Variants in ALPK3 observed in about 807,000 individuals in gnomAD.
ALPK3 encodes alpha-protein kinase 3.
ALPK3 carries 102 observed loss-of-function variants against 140.0 expected under a neutral mutation model. The ratio of observed to expected loss-of-function variants is 0.73; its 90% CI spans 0.62 to 0.86. ALPK3 has a LOEUF of 0.86. Among genes scored for constraint, ALPK3 ranks in the 40% least tolerant of loss-of-function variants. The probability of loss-of-function intolerance (pLI) is 0.00; values close to 1 mark genes in which losing one functional copy is unlikely to be tolerated. For synonymous variants in ALPK3, 938 were observed against 898.5 expected (o/e 1.04, Z -0.79); for missense variants, 2,254 against 2,208.2 (o/e 1.02, Z -0.42).
At position 84,839,994 on chromosome 15, in the gene ALPK3, AC is replaced by A. The variant is rs758861870; in HGVS notation, c.717del (p.Arg240GlyfsTer26). ...TCAAGCGCCGGGCCCCTCGGTCCCT[AC>A]CAGGGAGCCTGAGGGTGGGACCCTG... Reference protein sequence around the residue: ...GAQAPGPSVPTREPEGGTLAA... With the variant: ...GAQAPGPSVPXREPEGGTLAA... On this transcript the variant is annotated frameshift_variant, in exon 5 of 14. Coordinates refer to ENST00000258888, the MANE Select transcript of ALPK3 (RefSeq NM_020778.5). LOFTEE classifies it high-confidence loss of function. 1.9e-6 allele frequency: 3 copies of A among 1,613,486 alleles called. No individual in the cohort carries two copies. Among genetic ancestry groups the A allele is most frequent in the Non-Finnish European group, 2.5e-6 (3 of 1,179,734 alleles).
intron 12 of ALPK3, among the ~76,000 whole-genome samples, chr15:84,866,413 T>A (rs1964004012): frequency 6.6e-6 from 1 of 152,146 alleles, no homozygotes; most frequent in Non-Finnish European, 1.5e-5. Flanking sequence ...AGCTCAGAAG[T>A]GGTAGAGCTG....
chr15:84,840,957 G>T (rs771632156), intron 5 of ALPK3, 25 bp downstream of exon 5: 29 of 1,534,372 alleles, frequency 1.9e-5, no homozygotes, highest in Non-Finnish European at 2.4e-5. Flanking sequence ...TGGGTGCCTG[G>T]AGGCCGCTCT....
chr15:84,836,819 G>A (rs1331914876), intron 3 of ALPK3, among the ~76,000 whole-genome samples: 1 of 152,172 alleles, frequency 6.6e-6, no homozygotes. Context: ...GACCTCCTGG[G>A]TTGTGAGTAT....
intron 2 of ALPK3, among the ~76,000 whole-genome samples, chr15:84,823,804 G>A (rs1294565803): frequency 2.0e-5 from 3 of 152,164 alleles, no homozygotes; most frequent in Non-Finnish European, 4.4e-5. Flanking sequence ...TTGAACTCCT[G>A]GCCTCAAGGG....
In ALPK3 at chr15:84,859,531, A is replaced by G. The variant is rs372754334; in HGVS notation, c.3965+141A>G. The stretch of plus-strand genomic sequence containing the variant: ...AGGTCCTTTTATTCCCATAGTAGAG[A>G]TGAGAAAATGGAGGCTCAGCATTCT... On this transcript the variant is annotated intron_variant, in intron 7 of 13. Coordinates refer to ENST00000258888, the MANE Select transcript of ALPK3 (RefSeq NM_020778.5). The G allele has an allele frequency of 4.6e-5, 61 of 1,323,912 alleles. No homozygotes were observed. In the South Asian group the frequency reaches 9.3e-4, roughly 20 times the overall value. The allele number at this position is 1,323,912 out of a possible 1,614,324, so 82.0% of individuals were successfully genotyped here.
In ALPK3 at chr15:84,837,725, G is replaced by A. The variant is rs1963611156; in HGVS notation, c.305-1255G>A. ...ACAAGAGGAGGGCAGCTGTGCCCAGGCAAGGAATGGAACTAGTACTTGGAA... is the reference window on the plus strand; with the variant it reads ...ACAAGAGGAGGGCAGCTGTGCCCAGACAAGGAATGGAACTAGTACTTGGAA... On this transcript the variant is annotated intron_variant, in intron 3 of 13. Transcript: ENST00000258888. Among the ~76,000 whole-genome samples, 4 of 152,202 alleles carry A rather than the reference G, an allele frequency of 2.6e-5. No individual in the cohort carries two copies. The South Asian group carries it at 8.3e-4, about 31-fold the overall frequency.
rs116368682 is a variant in ALPK3, at chr15:84,861,595, C to G, written c.4130-1040C>G. ...GGCAGTCACTGATTATTGCCTAAAT[C>G]TATTATTTCATTAGCAGTTGCAACA... On this transcript the variant is annotated intron_variant, in intron 9 of 13. Coordinates refer to ENST00000258888, the MANE Select transcript of ALPK3 (RefSeq NM_020778.5). 1.7e-3 allele frequency among the ~76,000 whole-genome samples: 265 copies of G among 152,260 alleles called. 2 individuals are homozygous for G. The highest frequency in any genetic ancestry group is 6.3e-3 in the African/African-American group (260 of 41,534).
chr15:84,838,638 T>TTATTATTATTA lies in ALPK3; in HGVS notation c.305-341_305-340insATTATTATTAT, dbSNP rs145586317. 0.11 allele frequency among the ~76,000 whole-genome samples: 15,022 copies of TTATTATTATTA among 139,356 alleles called. 1,017 individuals carry two copies. The highest frequency in any genetic ancestry group is 0.14 in the Admixed American group (1,954 of 13,804). 91.4% of individuals were successfully genotyped at this position (139,356 alleles called of 152,430 possible). The stretch of plus-strand genomic sequence containing the variant: ...ATTATTATTATTATTATTATTATTA[T>TTATTATTATTA]TGAGATGGAGTCTCACTATCGCCTA... On this transcript the variant is annotated intron_variant, in intron 3 of 13. Coordinates refer to ENST00000258888, the MANE Select transcript of ALPK3 (RefSeq NM_020778.5).
chr15:84,820,481 T>G (rs1216130208), intron 1 of ALPK3, among the ~76,000 whole-genome samples: 1 of 152,146 alleles, frequency 6.6e-6, no homozygotes, highest in African/African-American at 2.4e-5. Context: ...ATTTATTATT[T>G]TAGTGTGTTT....
At chr15:84,822,769 G>C (rs1963441701) in intron 1 of ALPK3, among the ~76,000 whole-genome samples, 1 of 152,192 alleles carries the variant, frequency 6.6e-6, no homozygotes, top group African/African-American at 2.4e-5. Context: ...GTGCCTCCCA[G>C]CTCCTGCTGA....
rs866406820 is a variant in ALPK3 at position 84,840,160 on chromosome 15, C to T, written c.881C>T (p.Thr294Ile). ...NGEDGEHGLL[T>I]YICDAMELGP... ...GAGGACGGAGAGCATGGCTTGCTGA[C>T]ATACATCTGTGACGCCATGGAGCTG... Residue 294 changes from threonine (T) to isoleucine (I), a missense_variant, in exon 5 of 14, where the codon ACA becomes ATA. Transcript: ENST00000258888. The T allele has an allele frequency of 1.9e-6, 3 of 1,613,632 alleles. No homozygotes were observed. The African/African-American group carries it at 4.0e-5, about 22-fold the overall frequency.
rs765358524 is a variant in ALPK3 at position 84,858,222 on chromosome 15, G to T, written c.3484G>T (p.Gly1162Trp). The T allele has an allele frequency of 6.2e-7, 1 of 1,611,242 alleles. No homozygotes were observed. The highest frequency in any genetic ancestry group is 2.2e-5 in the East Asian group (1 of 44,724). Residue 1162 changes from glycine to tryptophan, a missense_variant, in exon 6 of 14, where the codon GGG becomes TGG. Physicochemically the swap from Gly to Trp is radical, Grantham distance 184. This residue lies in a region of ALPK3 where 2,088 missense variants were observed against 2,022.9 expected (regional missense o/e 1.03). Transcript: ENST00000258888. ...PAATPEELAL[G>W]ARRKRFLPKV... ...AGCTACACCTGAGGAACTGGCTCTA[G>T]GGGCCCGGAGGAAGAGATTTCTCCC...
chr15:84,852,242 G>A (rs989191772), intron 5 of ALPK3, among the ~76,000 whole-genome samples: 2 of 152,138 alleles, frequency 1.3e-5, no homozygotes, highest in Non-Finnish European at 2.9e-5. Context: ...TTACTTGCAC[G>A]CAAGCCCTGA....
chr15:84,859,951 T>G, intron 8 of ALPK3, 48 bp downstream of exon 8: 1 of 1,613,596 alleles, frequency 6.2e-7, no homozygotes, highest in Non-Finnish European at 8.5e-7. Flanking sequence ...TGGCTCCTGG[T>G]GGGTGGGCAG....
chr15:84,857,191 G>T lies in ALPK3; in HGVS notation c.2453G>T (p.Cys818Phe). The part of the protein sequence containing the change: ...GSVEQVGGER[C>F]RGPQSSGPVE... Reference sequence around the variant, plus strand: ...GTGGAGCAGGTGGGAGGAGAGAGATGCCGAGGGCCACAGTCATCAGGCCCA... The same window carrying T: ...GTGGAGCAGGTGGGAGGAGAGAGATTCCGAGGGCCACAGTCATCAGGCCCA... The change falls in exon 6 of 14, where the codon TGC (cysteine) becomes TTC (phenylalanine). Residue 818 changes from cysteine (C) to phenylalanine (F), a missense_variant. Transcript: ENST00000258888. The T allele has an allele frequency of 1.9e-6, 3 of 1,613,882 alleles. No homozygotes were observed. Among genetic ancestry groups the T allele is most frequent in the Non-Finnish European group, 1.7e-6 (2 of 1,179,916 alleles).
chr15:84,857,287 T>C lies in ALPK3; in HGVS notation c.2549T>C (p.Met850Thr). The change falls in exon 6 of 14, where the codon ATG (methionine) becomes ACG (threonine). Residue 850 changes from methionine to threonine, a missense_variant. Physicochemically the swap from Met to Thr is moderately conservative, Grantham distance 81 (BLOSUM62 -1). Coordinates refer to ENST00000258888, the MANE Select transcript of ALPK3 (RefSeq NM_020778.5). ...KEERPGGVPC[M>T]DQGGCPLAGL... The stretch of plus-strand genomic sequence containing the variant: ...GAGCGGCCAGGGGGAGTGCCGTGTA[T>C]GGATCAGGGTGGCTGTCCTCTAGCT... The C allele has an allele frequency of 1.2e-6, 2 of 1,614,060 alleles. No homozygotes were observed. Among genetic ancestry groups the C allele is most frequent in the Non-Finnish European group, 1.7e-6 (2 of 1,179,976 alleles).
chr15:84,865,216 C>T (rs577229931), intron 12 of ALPK3, among the ~76,000 whole-genome samples: 1 of 152,332 alleles, frequency 6.6e-6, no homozygotes, highest in Non-Finnish European at 1.5e-5. Flanking sequence ...GGCATGAACC[C>T]TCCTTCCTTC....
chr15:84,857,412 G>A lies in ALPK3; in HGVS notation c.2674G>A (p.Gly892Arg), dbSNP rs145983200. ...GPCSTPTSQH[G>R]STATFLPSED... is the part of the protein sequence containing the mutation. ...GTGTAGCACCCCGACTTCTCAGCAC[G>A]GGAGCACAGCCACCTTCCTGCCCTC... Residue 892 changes from glycine to arginine, a missense_variant, in exon 6 of 14, where the codon GGG becomes AGG. Physicochemically the swap from Gly to Arg is moderately radical, Grantham distance 125. Coordinates refer to ENST00000258888, the MANE Select transcript of ALPK3 (RefSeq NM_020778.5). The A allele has an allele frequency of 4.5e-4, 728 of 1,614,044 alleles. 3 individuals carry two copies. Among genetic ancestry groups the A allele is most frequent in the Non-Finnish European group, 5.8e-4 (690 of 1,180,020 alleles).
chr15:84,858,276 G>A lies in ALPK3; in HGVS notation c.3538G>A (p.Ala1180Thr). The A allele has an allele frequency of 1.3e-6, 2 of 1,590,514 alleles. No individual in the cohort carries two copies. The highest frequency in any genetic ancestry group is 1.7e-6 in the Non-Finnish European group (2 of 1,168,550). Reference protein sequence around the residue: ...PKVRAAGDGEATTPEERESPT... With the variant: ...PKVRAAGDGETTTPEERESPT... ...GGTCAGAGCAGCAGGAGACGGGGAGGCAACCACACCTGAAGAAAGGGAGAG... is the reference window on the plus strand; with the variant it reads ...GGTCAGAGCAGCAGGAGACGGGGAGACAACCACACCTGAAGAAAGGGAGAG... Residue 1180 changes from alanine (A) to threonine (T), a missense_variant, in exon 6 of 14, where the codon GCA becomes ACA. Transcript: ENST00000258888.
Sources: allele counts gnomAD v4.1 joint callset (sites outside exome capture counted in the v4.1 genomes callset), GRCh38; gene constraint gnomAD v4.1.1; regional missense constraint gnomAD v4.1.1; transcripts MANE v1.5; gene names NCBI Gene and HGNC (gene_info 2026-07-23, HGNC 2026-07-21).